Variants in GALNT2 observed in about 807,000 individuals in gnomAD.
GALNT2 encodes the protein polypeptide N-acetylgalactosaminyltransferase 2, also known as UDP-GalNAc:polypeptide N-acetylgalactosaminyltransferase 2.
A neutral mutation model predicts 81.4 loss-of-function variants in GALNT2; 31 were observed. The observed-to-expected ratio is 0.38, with a 90% CI of 0.29 to 0.51. The LOEUF (loss-of-function observed/expected upper bound fraction) is 0.51, where lower values mean the gene tolerates loss of function less well. GALNT2 is among the 20% of genes least tolerant of loss of function. The probability of loss-of-function intolerance (pLI) is 0.87; values close to 1 mark genes in which losing one functional copy is unlikely to be tolerated. For synonymous variants in GALNT2, 303 were observed against 287.4 expected (o/e 1.05, Z -0.55); for missense variants, 629 against 765.7 (o/e 0.82, Z 2.11).
Position 230,099,637 on chromosome 1 carries a change from C to T in GALNT2, c.126+32231C>T, listed in dbSNP as rs574694172. 1.2e-4 allele frequency among the ~76,000 whole-genome samples: 19 copies of T among 152,348 alleles called. No individual in the cohort carries two copies. In the South Asian group the frequency reaches 3.7e-3, roughly 30 times the overall value. ...ACAAGCCTTTTAGCAATGGTGCGTT[C>T]CCTCAGAAGGTTTGCTGTGGCCCAT... On this transcript the variant is annotated intron_variant, in intron 1 of 15. Transcript: ENST00000366672.
chr1:230,212,445 C>T (rs1031952652), intron 3 of GALNT2, among the ~76,000 whole-genome samples: 3 of 152,156 alleles, frequency 2.0e-5, no homozygotes, highest in East Asian at 1.9e-4. Flanking sequence ...TTCAGATTCT[C>T]GAAGAAAATG....
Position 230,200,708 on chromosome 1 carries a change from C to G in GALNT2, c.221-2429C>G, listed in dbSNP as rs76306433. ...CTCCTTGCACACAGGCCCACACCAA[C>G]CAGAGTCCTCAGACTTTGCTGTCCC... On this transcript the variant is annotated intron_variant, in intron 2 of 15. Transcript: ENST00000366672. 2.0e-4 allele frequency among the ~76,000 whole-genome samples: 30 copies of G among 152,364 alleles called. No individual in the cohort carries two copies. The East Asian group carries it at 5.4e-3, about 27-fold the overall frequency.
Position 230,279,739 on chromosome 1 carries a change from C to G in GALNT2, c.*281C>G, listed in dbSNP as rs1007453885. The G allele has an allele frequency of 5.7e-6, 3 of 527,008 alleles. No homozygotes were observed. Among genetic ancestry groups the G allele is most frequent in the Middle Eastern group, 5.0e-4 (1 of 2,012 alleles). 32.6% of individuals were successfully genotyped at this position (527,008 alleles called of 1,614,324 possible). ...CTTCCAGCTTTCACTTCTGCCGGCT[C>G]CGCAACTGAGTGACACCCAGCGACA... On this transcript the variant is annotated 3_prime_UTR_variant, in exon 16 of 16. Coordinates refer to ENST00000366672, the MANE Select transcript of GALNT2 (RefSeq NM_004481.5). This position sits in a 1 kb window ranked among gnomAD's most constrained non-coding sequence, Gnocchi z 4.6.
At chr1:230,244,965 G>C (rs1280878787) in intron 7 of GALNT2, among the ~76,000 whole-genome samples, 4 of 152,128 alleles carry the variant, frequency 2.6e-5, no homozygotes, top group Non-Finnish European at 4.4e-5. Flanking sequence ...GGCTAATAAG[G>C]GTTCTCTAAG....
intron 1 of GALNT2, among the ~76,000 whole-genome samples, chr1:230,078,873 G>T (rs1408384154): frequency 6.6e-6 from 1 of 152,154 alleles, no homozygotes; most frequent in Non-Finnish European, 1.5e-5. Flanking sequence ...GCATGATCAT[G>T]ATCATAGCTC....
intron 1 of GALNT2, among the ~76,000 whole-genome samples, chr1:230,081,778 C>G (rs1009634135): frequency 2.6e-5 from 4 of 152,172 alleles, no homozygotes; most frequent in African/African-American, 9.7e-5. Context: ...TGTGAAAACC[C>G]ACGTTTGGTC....
chr1:230,238,533 C>T (rs1199529009), intron 6 of GALNT2, among the ~76,000 whole-genome samples: 1 of 152,202 alleles, frequency 6.6e-6, no homozygotes, highest in Non-Finnish European at 1.5e-5. Context: ...AGGTGGCTTT[C>T]TCAAGGCCCT....
chr1:230,101,496 A>G (rs1315537454), intron 1 of GALNT2, among the ~76,000 whole-genome samples: 1 of 152,192 alleles, frequency 6.6e-6, no homozygotes, highest in Admixed American at 6.5e-5. Flanking sequence ...TTGAACTGAA[A>G]TTCTTAAGCC....
chr1:230,088,770 C>T (rs1659972350), intron 1 of GALNT2, among the ~76,000 whole-genome samples: 1 of 151,916 alleles, frequency 6.6e-6, no homozygotes, highest in Non-Finnish European at 1.5e-5. Flanking sequence ...ATCTCCTGAC[C>T]TCATGATCCA....
chr1:230,177,014 T>A (rs1166060596), intron 1 of GALNT2, among the ~76,000 whole-genome samples: 1 of 152,192 alleles, frequency 6.6e-6, no homozygotes, highest in African/African-American at 2.4e-5. Context: ...CTGTATCGCC[T>A]CATTAGAGAA....
chr1:230,204,416 G>A (rs1168204471), intron 3 of GALNT2, among the ~76,000 whole-genome samples: 7 of 152,114 alleles, frequency 4.6e-5, no homozygotes, highest in South Asian at 2.1e-4. Context: ...TGATCCGCCC[G>A]CCTCGGCCTC....
At chr1:230,226,388 A>G (rs1285260637) in intron 3 of GALNT2, among the ~76,000 whole-genome samples, 1 of 152,134 alleles carries the variant, frequency 6.6e-6, no homozygotes, top group Non-Finnish European at 1.5e-5. Context: ...GCCACCGAAT[A>G]TCTGTATATG....
chr1:230,066,666 GC>G (rs1197726077), upstream of GALNT2, among the ~76,000 whole-genome samples: 1 of 152,206 alleles, frequency 6.6e-6, no homozygotes, highest in African/African-American at 2.4e-5. Context: ...AGGTCAGTTG[GC>G]CAATAAGAGC....
At chr1:230,162,699 G>T (rs1662472035) in intron 1 of GALNT2, among the ~76,000 whole-genome samples, 1 of 152,192 alleles carries the variant, frequency 6.6e-6, no homozygotes. Flanking sequence ...TGACTTAACT[G>T]TTTGACTGTA....
intron 10 of GALNT2, among the ~76,000 whole-genome samples, chr1:230,251,434 C>T (rs1665542337): frequency 6.6e-6 from 1 of 152,018 alleles, no homozygotes; most frequent in African/African-American, 2.4e-5. Context: ...ATTATTTTTC[C>T]ATTGTTTTAT....
intron 1 of GALNT2, among the ~76,000 whole-genome samples, chr1:230,121,534 C>G (rs544881452): frequency 6.6e-6 from 1 of 152,342 alleles, no homozygotes; most frequent in East Asian, 1.9e-4. Flanking sequence ...AGGAGGAGAA[C>G]CCTACCACCA....
chr1:230,117,917 C>G lies in GALNT2; in HGVS notation c.126+50511C>G, dbSNP rs567807958. Among the ~76,000 whole-genome samples, 3 of 152,270 alleles carry G rather than the reference C, an allele frequency of 2.0e-5. No homozygotes were observed. The East Asian group carries it at 5.8e-4, about 29-fold the overall frequency. ...GTGAAGTGCAGTGAAGCAAGATATACGTGTCTGATGAAAGCATCCGCCTCA... is the reference window on the plus strand; with the variant it reads ...GTGAAGTGCAGTGAAGCAAGATATAGGTGTCTGATGAAAGCATCCGCCTCA... On this transcript the variant is annotated intron_variant, in intron 1 of 15. Coordinates refer to ENST00000366672, the MANE Select transcript of GALNT2 (RefSeq NM_004481.5).
At chr1:230,255,375 A>G (rs1045945019) in intron 11 of GALNT2, 31 bp downstream of exon 11, 2 of 1,613,662 alleles carry the variant, frequency 1.2e-6, no homozygotes, top group African/African-American at 2.7e-5. Flanking sequence ...CGGGGTCCAA[A>G]ACATTGATGA....
At chr1:230,074,100 T>G (rs1447379840) in intron 1 of GALNT2, among the ~76,000 whole-genome samples, 29 of 2,138 alleles carry the variant, frequency 0.014, no homozygotes, top group Admixed American at 0.05. Context: ...TTGGCTGGCT[T>G]TTTTTTTTTT....
Sources: gnomAD v4.1 joint callset for allele counts (sites outside exome capture counted in the v4.1 genomes callset) on GRCh38, gnomAD v4.1.1 for gene constraint, Gnocchi (gnomAD v3.1) non-coding constraint, MANE v1.5 for transcripts, NCBI Gene and HGNC (gene_info 2026-07-23, HGNC 2026-07-21) for gene names.